The following RB1CC1 variants were observed in gnomAD, a reference collection of about 807,000 sequenced individuals.
RB1CC1 encodes the protein RB1-inducible coiled-coil protein 1.
In RB1CC1, 46 loss-of-function variants were observed where a neutral mutation model predicts 177.5. That is an observed-to-expected ratio of 0.26 (90% CI 0.20 to 0.33). The LOEUF (loss-of-function observed/expected upper bound fraction) is 0.33. Ranked by LOEUF, RB1CC1 falls within the 10% of genes least tolerant of loss-of-function variation. RB1CC1 has a pLI of 1.00. For synonymous variants in RB1CC1, 666 were observed against 613.6 expected, an observed-to-expected ratio of 1.09 and a Z score of -1.26; for missense variants, 1,703 against 1,816.3, an observed-to-expected ratio of 0.94 and a Z score of 1.13.
chr8:52,634,615 A>C (rs1848994878), intron 20 of RB1CC1, among the ~76,000 whole-genome samples: 1 of 152,212 alleles, frequency 6.6e-6, no homozygotes, highest in African/African-American at 2.4e-5. Flanking sequence ...ACATAACTCA[A>C]AACTGATTTT....
At chr8:52,648,844 A>C (rs1450279622) in intron 15 of RB1CC1, among the ~76,000 whole-genome samples, 1 of 152,158 alleles carries the variant, frequency 6.6e-6, no homozygotes, top group Non-Finnish European at 1.5e-5. Flanking sequence ...ACTTAAACGA[A>C]GCACTTCAAG....
intron 20 of RB1CC1, among the ~76,000 whole-genome samples, chr8:52,634,379 C>T (rs933597965): frequency 4.6e-5 from 7 of 151,792 alleles, no homozygotes; most frequent in African/African-American, 9.7e-5. Flanking sequence ...AAAAATTAGC[C>T]GGGTGTGACG....
At chr8:52,660,534 C>G (rs1563396901) in intron 12 of RB1CC1, 62 bp downstream of exon 12, 6 of 1,402,652 alleles carry the variant, frequency 4.3e-6, no homozygotes, top group Non-Finnish European at 5.9e-6. Context: ...AATGTCTCTA[C>G]TTCTGGAAAA....
At chr8:52,699,770 G>T (rs1855826660) in intron 1 of RB1CC1, among the ~76,000 whole-genome samples, 1 of 118,812 alleles carries the variant, frequency 8.4e-6, no homozygotes, top group Non-Finnish European at 1.6e-5. Context: ...AGTGAGCCGA[G>T]ATTCTGCCAC....
At chr8:52,668,635 CA>C (rs1852284175) in intron 7 of RB1CC1, among the ~76,000 whole-genome samples, 2 of 152,144 alleles carry the variant, frequency 1.3e-5, no homozygotes, top group Admixed American at 1.3e-4. Flanking sequence ...TCGGCTTGCT[CA>C]ATTATGCTTT....
intron 7 of RB1CC1, among the ~76,000 whole-genome samples, chr8:52,673,437 AT>A (rs921664735): frequency 5.3e-5 from 8 of 152,228 alleles, no homozygotes; most frequent in African/African-American, 1.9e-4. Flanking sequence ...CAGATGCAGC[AT>A]TTGAAATTTC....
chr8:52,637,201 C>T (rs985456788), intron 18 of RB1CC1, among the ~76,000 whole-genome samples: 2 of 152,150 alleles, frequency 1.3e-5, no homozygotes, highest in African/African-American at 4.8e-5. Flanking sequence ...GTCTTCCAGT[C>T]AGTAAACACA....
chr8:52,687,871 T>A (rs1471333098), intron 1 of RB1CC1, among the ~76,000 whole-genome samples: 4 of 152,172 alleles, frequency 2.6e-5, no homozygotes, highest in African/African-American at 7.2e-5. Context: ...CAATAGATGA[T>A]TAATATAACA....
intron 12 of RB1CC1, among the ~76,000 whole-genome samples, chr8:52,659,993 G>C (rs1267625064): frequency 6.6e-6 from 1 of 152,136 alleles, no homozygotes; most frequent in East Asian, 1.9e-4. Context: ...CAAGACTCTT[G>C]TCTCCAAAAC....
At chr8:52,635,335 G>A (rs1211335784) in intron 19 of RB1CC1, among the ~76,000 whole-genome samples, 1 of 152,150 alleles carries the variant, frequency 6.6e-6, no homozygotes, top group East Asian at 1.9e-4. Context: ...GCTGAGGTAG[G>A]AAATCACATA....
intron 1 of RB1CC1, among the ~76,000 whole-genome samples, chr8:52,710,255 GA>G (rs1856936102): frequency 6.6e-6 from 1 of 152,156 alleles, no homozygotes; most frequent in South Asian, 2.1e-4. Flanking sequence ...TTCCCTGAAA[GA>G]AAACCTTTTT....
At chr8:52,687,908 G>A (rs1854415978) in intron 1 of RB1CC1, among the ~76,000 whole-genome samples, 1 of 152,196 alleles carries the variant, frequency 6.6e-6, no homozygotes, top group Admixed American at 6.5e-5. Flanking sequence ...ATATTAGGAG[G>A]ATGTTGTTGT....
chr8:52,658,606 A>AAT (rs1851309201), intron 13 of RB1CC1, among the ~76,000 whole-genome samples: 1 of 151,586 alleles, frequency 6.6e-6, no homozygotes, highest in South Asian at 2.1e-4. Flanking sequence ...AAAAAAGTAA[A>AAT]AAGTCAGAAA....
intron 12 of RB1CC1, among the ~76,000 whole-genome samples, chr8:52,659,225 C>T (rs910574755): frequency 6.6e-6 from 1 of 152,054 alleles, no homozygotes; most frequent in African/African-American, 2.4e-5. Context: ...CTGCTTTTAG[C>T]ATCATTTTAT....
chr8:52,701,356 C>A (rs1856035308), intron 1 of RB1CC1, among the ~76,000 whole-genome samples: 1 of 152,118 alleles, frequency 6.6e-6, no homozygotes, highest in Non-Finnish European at 1.5e-5. Flanking sequence ...AACTCCTGAC[C>A]TCAGGTAATT....
intron 18 of RB1CC1, among the ~76,000 whole-genome samples, chr8:52,641,411 TAAAA>T (rs1849574567): frequency 8.0e-5 from 11 of 137,260 alleles, no homozygotes; most frequent in African/African-American, 1.4e-4. Context: ...AAAATTAAAA[TAAAA>T]TAAAATAAAA....
intron 7 of RB1CC1, among the ~76,000 whole-genome samples, chr8:52,670,858 G>T (rs573170474): frequency 1.3e-5 from 2 of 152,026 alleles, no homozygotes; most frequent in East Asian, 3.9e-4. Context: ...TGTGGTGGCG[G>T]GTGCCTGTAG....
rs757374910 is a variant in RB1CC1 at position 52,661,726 on chromosome 8, G to GA, written c.1174-8dup. On this transcript the variant is annotated splice_polypyrimidine_tract_variant and splice_region_variant and intron_variant, in intron 8 of 23. Transcript: ENST00000025008. ...TCTGATTAGCTAAAAATCCCTTTGA[G>GA]AAAAAAAATGTTTCAAAGGACATTA... The GA allele has an allele frequency of 1.8e-5, 28 of 1,526,712 alleles. No individual in the cohort carries two copies. The highest frequency in any genetic ancestry group is 8.5e-5 in the African/African-American group (6 of 70,622). The allele number at this position is 1,526,712 out of a possible 1,614,324, so 94.6% of individuals were successfully genotyped here.
intron 15 of RB1CC1, among the ~76,000 whole-genome samples, chr8:52,654,334 G>A (rs1424700800): frequency 1.3e-5 from 2 of 152,246 alleles, no homozygotes; most frequent in African/African-American, 4.8e-5. Flanking sequence ...AAAATCCCAG[G>A]TATAGCTTCC....
Sources: gnomAD v4.1 joint callset for allele counts (sites outside exome capture counted in the v4.1 genomes callset) on GRCh38, gnomAD v4.1.1 for gene constraint, MANE v1.5 for transcripts, NCBI Gene and HGNC (gene_info 2026-07-23, HGNC 2026-07-21) for gene names.